VPS9D1: variants seen among roughly 807,000 people sequenced by gnomAD.
VPS9D1 encodes the protein VPS9 domain containing 1, also known as VPS9 domain-containing protein 1.
VPS9D1 carries 78 observed loss-of-function variants against 75.8 expected under a neutral mutation model. That is an observed-to-expected ratio of 1.03 (90% confidence interval 0.86 to 1.24). The LOEUF (loss-of-function observed/expected upper bound fraction) is 1.24, where lower values mean the gene tolerates loss of function less well. Ranked by LOEUF, VPS9D1 falls within the 50% of genes most tolerant of loss-of-function variation. The pLI is 0.00. For missense variants in VPS9D1, 1,057 were observed against 847.7 expected, an observed-to-expected ratio of 1.25 and a Z score of -3.07; for synonymous variants, 481 against 385.6, an observed-to-expected ratio of 1.25 and a Z score of -2.90.
rs376544457 is a variant in VPS9D1, at chr16:89,710,570, G to A, written c.1258+16C>T. 12 of 1,575,858 alleles carry A rather than the reference G, an allele frequency of 7.6e-6. No homozygotes were observed. The highest frequency in any genetic ancestry group is 1.0e-5 in the Non-Finnish European group (12 of 1,153,972). On this transcript the variant is annotated intron_variant, in intron 10 of 14. Transcript: ENST00000389386. ...GAAGAGCTGCGGCGGCTCTCCCAGG[G>A]AGGGCCTGGCCTCACCTACGGCATT...
chr16:89,720,345 C>G, intron 1 of VPS9D1: 20 of 919,168 alleles, frequency 2.2e-5, no homozygotes, highest in Non-Finnish European at 2.6e-5. Flanking sequence ...AACAGCATCA[C>G]AAATGAGCAG....
intron 2 of VPS9D1, 157 bp from the exon 3 acceptor site, chr16:89,716,979 G>T: frequency 2.2e-6 from 1 of 444,938 alleles, no homozygotes; most frequent in South Asian, 2.7e-5. Context: ...TCCCCTCACT[G>T]ACCCTGGGCA....
chr16:89,720,653 G>A (rs2061236293), intron 1 of VPS9D1, 110 bp downstream of exon 1: 5 of 1,231,688 alleles, frequency 4.1e-6, no homozygotes, highest in East Asian at 3.5e-5. Flanking sequence ...CCCGGCTGGC[G>A]CCCGCTCCCA....
chr16:89,720,572 A>C, intron 1 of VPS9D1, 191 bp downstream of exon 1: 1 of 1,196,994 alleles, frequency 8.4e-7, no homozygotes, highest in Non-Finnish European at 1.0e-6. Flanking sequence ...GCAGGATCTG[A>C]GCTGTCCAAG....
At chr16:89,718,841 G>A (rs2061159328) in intron 2 of VPS9D1, among the ~76,000 whole-genome samples, 186 bp downstream of exon 2, 1 of 151,902 alleles carries the variant, frequency 6.6e-6, no homozygotes, top group African/African-American at 2.4e-5. Context: ...AGCCTCCCGA[G>A]TAGCTGGGAC....
intron 2 of VPS9D1, among the ~76,000 whole-genome samples, chr16:89,718,711 TTTC>T (rs984646529): frequency 1.5e-4 from 22 of 148,314 alleles, no homozygotes; most frequent in Non-Finnish European, 3.2e-4. Flanking sequence ...CCTTTTTCTT[TTTC>T]TTTTCTTTTT....
chr16:89,714,410 G>A (rs2061013426), intron 4 of VPS9D1, among the ~76,000 whole-genome samples: 1 of 152,218 alleles, frequency 6.6e-6, no homozygotes, highest in African/African-American at 2.4e-5. Flanking sequence ...ATGAAAGGAA[G>A]AAGTGTCCTG....
chr16:89,720,830 T>A lies in VPS9D1; in HGVS notation c.32A>T (p.Lys11Met). The change falls in exon 1 of 15, where the codon AAG becomes ATG. Residue 11 changes from lysine to methionine, a missense_variant. Transcript: ENST00000389386. The stretch of plus-strand genomic sequence containing the variant: ...AAGCTTCATGGCGCTCTGCAGCGGC[T>A]TCACCGTGCCGTCCCCGGCCGCAGC... Reference protein sequence around the residue: MAAAAGDGTVKPLQSAMKLAN... With the variant: MAAAAGDGTVMPLQSAMKLAN... The A allele has an allele frequency of 6.9e-7, 1 of 1,442,978 alleles. No homozygotes were observed. The highest frequency in any genetic ancestry group is 9.1e-7 in the Non-Finnish European group (1 of 1,093,098). The allele number at this position is 1,442,978 out of a possible 1,614,324, so 89.4% of individuals were successfully genotyped here. A position where few individuals can be genotyped will look rare whatever the true frequency, so the allele number is the denominator to read the frequency against.
chr16:89,717,636 C>G, intron 2 of VPS9D1: 1 of 456,456 alleles, frequency 2.2e-6, no homozygotes, highest in Non-Finnish European at 4.4e-6. Flanking sequence ...GCCCCCGACT[C>G]CCCCCGGAAA....
chr16:89,711,475 C>G, intron 8 of VPS9D1, 63 bp from the exon 9 acceptor site: 1 of 1,477,206 alleles, frequency 6.8e-7, no homozygotes. Context: ...CGCGCCTCAT[C>G]TCCCACCAGT....
chr16:89,720,559 T>A, intron 1 of VPS9D1: 1 of 1,182,756 alleles, frequency 8.5e-7, no homozygotes, highest in Non-Finnish European at 1.0e-6. Context: ...AAAGCCAAGG[T>A]CCGCAGGATC....
intron 4 of VPS9D1, among the ~76,000 whole-genome samples, chr16:89,715,487 A>G (rs1238317528): frequency 6.6e-6 from 1 of 151,098 alleles, no homozygotes; most frequent in South Asian, 2.1e-4. Context: ...CGGCCTCCCA[A>G]AGTGCTGGGA....
chr16:89,720,679 C>T lies in VPS9D1; in HGVS notation c.99+84G>A. ...CCCGCTCCCAAGTCTCCAGCCCGAGCCGGCCCCGTCCTCGCCCTCCCCGGG... is the reference window on the plus strand; with the variant it reads ...CCCGCTCCCAAGTCTCCAGCCCGAGTCGGCCCCGTCCTCGCCCTCCCCGGG... On this transcript the variant is annotated intron_variant, in intron 1 of 14. Transcript: ENST00000389386. 3.9e-6 allele frequency: 5 copies of T among 1,282,696 alleles called. No individual in the cohort carries two copies. The South Asian group carries it at 7.0e-5, about 18-fold the overall frequency. 79.5% of individuals were successfully genotyped at this position (1,282,696 alleles called of 1,614,324 possible).
chr16:89,708,736 C>G (rs2060845904), intron 13 of VPS9D1, 121 bp downstream of exon 13: 2 of 1,211,862 alleles, frequency 1.7e-6, no homozygotes, highest in African/African-American at 1.5e-5. Context: ...ACACGGCCCT[C>G]CTGCTTCTAC....
chr16:89,710,997 G>A lies in VPS9D1; in HGVS notation c.847C>T (p.Pro283Ser). 1.4e-6 allele frequency: 2 copies of A among 1,439,668 alleles called. No individual in the cohort carries two copies. Among genetic ancestry groups the A allele is most frequent in the Non-Finnish European group, 1.8e-6 (2 of 1,101,724 alleles). 89.2% of individuals were successfully genotyped at this position (1,439,668 alleles called of 1,614,324 possible). Residue 283 changes from proline to serine, a missense_variant, in exon 10 of 15, where the codon CCG (proline) becomes TCG (serine). Pro to Ser is a moderately conservative substitution (Grantham distance 74). Transcript: ENST00000389386. Reference sequence around the variant, plus strand: ...AGCCGCCTCAGGAGCTGCGCGATCGGGTGGTCGGGGAGGCTGCGGGAGAAG... The same window carrying A: ...AGCCGCCTCAGGAGCTGCGCGATCGAGTGGTCGGGGAGGCTGCGGGAGAAG... ...VSHLLSLPDH[P>S]IAQLLRRLQC...
rs115434770 is a variant in VPS9D1, at chr16:89,713,732, G to A, written c.432-1016C>T. On this transcript the variant is annotated intron_variant, in intron 4 of 14. Transcript: ENST00000389386. ...TTTCTTAAAACATCACTGAGGGCTG[G>A]GCACGGTGGCTCACGCCTGTAATCC... is the stretch of plus-strand genomic sequence containing the variant. 1.5e-3 allele frequency among the ~76,000 whole-genome samples: 228 copies of A among 151,840 alleles called. 2 individuals are homozygous for A. Among genetic ancestry groups the A allele is most frequent in the African/African-American group, 5.1e-3 (213 of 41,490 alleles).
chr16:89,709,636 G>A, intron 11 of VPS9D1, 141 bp downstream of exon 11: 1 of 1,420,824 alleles, frequency 7.0e-7, no homozygotes, highest in East Asian at 2.3e-5. Flanking sequence ...TGGCCTCAGG[G>A]TAAAGCACAG....
chr16:89,711,090 T>G (rs1311618260), intron 9 of VPS9D1, 80 bp from the exon 10 acceptor site: 1 of 1,372,790 alleles, frequency 7.3e-7, no homozygotes, highest in Non-Finnish European at 9.6e-7. Flanking sequence ...ATGCCCGGTT[T>G]CAGAGAAGCG....
chr16:89,719,221 T>TA lies in VPS9D1; in HGVS notation c.100-120dup, dbSNP rs1265324082. The TA allele has an allele frequency of 5.3e-6, 5 of 946,714 alleles. No homozygotes were observed. The Admixed American group carries it at 5.3e-5, about 10-fold the overall frequency. The allele number at this position is 946,714 out of a possible 1,614,324, so 58.6% of individuals were successfully genotyped here. A position where few individuals can be genotyped will look rare whatever the true frequency, so the allele number is the denominator to read the frequency against. On this transcript the variant is annotated intron_variant, in intron 1 of 14. Coordinates refer to ENST00000389386, the MANE Select transcript of VPS9D1 (RefSeq NM_004913.3). ...CACCACCACCTGCTTATCTCTGAGA[T>TA]ACACCCAGAGACATTGAGCCTGCGG...
Sources: allele counts gnomAD v4.1 joint callset (sites outside exome capture counted in the v4.1 genomes callset), GRCh38; gene constraint gnomAD v4.1.1; transcripts MANE v1.5; gene names NCBI Gene and HGNC (gene_info 2026-07-23, HGNC 2026-07-21).